PIWIL2: variants seen among roughly 807,000 people sequenced by gnomAD.
PIWIL2 encodes the protein piwi like RNA-mediated gene silencing 2.
Under a neutral mutation model 116.5 loss-of-function variants are expected in PIWIL2, and 81 were observed. The ratio of observed to expected loss-of-function variants is 0.70; its 90% CI spans 0.58 to 0.84. The LOEUF (loss-of-function observed/expected upper bound fraction) is 0.84, where lower values mean the gene tolerates loss of function less well. Among genes scored for constraint, PIWIL2 ranks in the 40% least tolerant of loss-of-function variants. The pLI, the probability that PIWIL2 is intolerant of heterozygous loss-of-function variation, is 0.00. For missense variants in PIWIL2, 1,272 were observed against 1,212.3 expected (o/e 1.05, Z -0.73); for synonymous variants, 489 against 429.5 (o/e 1.14, Z -1.71).
chr8:22,337,989 G>C (rs1832019615), intron 20 of PIWIL2, among the ~76,000 whole-genome samples: 2 of 152,062 alleles, frequency 1.3e-5, no homozygotes, highest in African/African-American at 4.8e-5. Context: ...AACTACTCGG[G>C]AGGCTGAGGA....
At chr8:22,337,436 A>G (rs1832004448) in intron 20 of PIWIL2, among the ~76,000 whole-genome samples, 1 of 152,140 alleles carries the variant, frequency 6.6e-6, no homozygotes, top group African/African-American at 2.4e-5. Context: ...TTTTTAACAA[A>G]AAAGATACTA....
chr8:22,296,154 C>T (rs1416103145), intron 10 of PIWIL2, among the ~76,000 whole-genome samples: 1 of 150,870 alleles, frequency 6.6e-6, no homozygotes, highest in Non-Finnish European at 1.5e-5. Flanking sequence ...CTCCCAGGTT[C>T]AAGCAATTCT....
At chr8:22,285,452 T>G (rs1171741458) in intron 6 of PIWIL2, among the ~76,000 whole-genome samples, 1 of 152,198 alleles carries the variant, frequency 6.6e-6, no homozygotes, top group Non-Finnish European at 1.5e-5. Context: ...GTATACCACT[T>G]TATCCATTCA....
intron 10 of PIWIL2, among the ~76,000 whole-genome samples, chr8:22,292,959 G>A (rs1207204343): frequency 6.6e-6 from 1 of 152,192 alleles, no homozygotes; most frequent in African/African-American, 2.4e-5. Flanking sequence ...TAGTGCAGGA[G>A]CCCAGTCCAA....
chr8:22,318,288 GA>G lies in PIWIL2; in HGVS notation c.2403+16del. ...AAAGTTTTATGAGGTGAGGAGAACA[GA>G]AATTCTCAGGCTTCTGGGGTTTTTT... On this transcript the variant is annotated intron_variant, in intron 20 of 22. Coordinates refer to ENST00000356766, the MANE Select transcript of PIWIL2 (RefSeq NM_018068.5). The G allele has an allele frequency of 7.3e-7, 1 of 1,365,294 alleles. No homozygotes were observed. Among genetic ancestry groups the G allele is most frequent in the Non-Finnish European group, 1.0e-6 (1 of 966,936 alleles). 84.6% of individuals were successfully genotyped at this position (1,365,294 alleles called of 1,614,324 possible). A position where few individuals can be genotyped will look rare whatever the true frequency, so the allele number is the denominator to read the frequency against.
chr8:22,335,297 C>T (rs1269867844), intron 20 of PIWIL2, among the ~76,000 whole-genome samples: 1 of 152,096 alleles, frequency 6.6e-6, no homozygotes, highest in East Asian at 1.9e-4. Context: ...GAACTCAACA[C>T]TCAAAAGATA....
At position 22,314,352 on chromosome 8, in the gene PIWIL2, A is replaced by G; in HGVS notation, c.2014A>G (p.Ile672Val). ...GGGGAAGATACAGATGGTTGTTTGC[A>G]TCATCATGGGCCCACGTGATGATCT... Reference protein sequence around the residue: ...AEGKIQMVVCIIMGPRDDLYG... With the variant: ...AEGKIQMVVCVIMGPRDDLYG... Residue 672 changes from isoleucine (I) to valine (V), a missense_variant, in exon 17 of 23, where the codon ATC (isoleucine) becomes GTC (valine). Coordinates refer to ENST00000356766, the MANE Select transcript of PIWIL2 (RefSeq NM_018068.5). 2.5e-6 allele frequency: 4 copies of G among 1,572,052 alleles called. No homozygotes were observed. The highest frequency in any genetic ancestry group is 1.7e-6 in the Non-Finnish European group (2 of 1,156,436).
At chr8:22,310,708 C>T (rs571873826) in intron 15 of PIWIL2, among the ~76,000 whole-genome samples, 1 of 152,232 alleles carries the variant, frequency 6.6e-6, no homozygotes, top group South Asian at 2.1e-4. Context: ...CTCCATTCTC[C>T]CAGTTCCTGC....
chr8:22,282,419 A>G (rs559266131), intron 4 of PIWIL2, among the ~76,000 whole-genome samples: 48 of 152,024 alleles, frequency 3.2e-4, no homozygotes, highest in African/African-American at 1.1e-3. Flanking sequence ...AACTCCTGAC[A>G]TCAGGTAATC....
intron 7 of PIWIL2, 65 bp downstream of exon 7, chr8:22,287,710 G>A (rs532554092): frequency 9.3e-7 from 1 of 1,076,446 alleles, no homozygotes. Context: ...TTTTTGTTTG[G>A]TTTTGCTTTT....
At chr8:22,341,603 A>AAG (rs1832111373) in intron 20 of PIWIL2, among the ~76,000 whole-genome samples, 1 of 151,860 alleles carries the variant, frequency 6.6e-6, no homozygotes, top group South Asian at 2.1e-4. Context: ...CTCAAAAAAA[A>AAG]AAAAAAAAAA....
At position 22,349,977 on chromosome 8, in the gene PIWIL2, T is replaced by G. The variant is rs571503707; in HGVS notation, c.2404-2982T>G. On this transcript the variant is annotated intron_variant, in intron 20 of 22. Transcript: ENST00000356766. ...TTTGGTTAGTGAAGTGGTTCTCAAC[T>G]GGGAGCAATTTTGTCCTCCCAGTGG... Among the ~76,000 whole-genome samples the G allele has an allele frequency of 9.8e-4, 150 of 152,374 alleles. 1 individual carries two copies. Among genetic ancestry groups the G allele is most frequent in the African/African-American group, 3.5e-3 (147 of 41,598 alleles).
In PIWIL2 at chr8:22,309,289, G is replaced by A. The variant is rs537755996; in HGVS notation, c.1687-672G>A. ...TGGATATTAAGTCCAATTTATGAAG[G>A]TAAAATAATTTAGGGACATTTATGT... On this transcript the variant is annotated intron_variant, in intron 14 of 22. Coordinates refer to ENST00000356766, the MANE Select transcript of PIWIL2 (RefSeq NM_018068.5). Among the ~76,000 whole-genome samples, 3 of 151,682 alleles carry A rather than the reference G, an allele frequency of 2.0e-5. No individual in the cohort carries two copies. In the South Asian group the frequency reaches 6.3e-4, roughly 32 times the overall value.
chr8:22,341,052 T>C (rs1240219600), intron 20 of PIWIL2, among the ~76,000 whole-genome samples: 1 of 152,166 alleles, frequency 6.6e-6, no homozygotes, highest in Non-Finnish European at 1.5e-5. Context: ...AGCATGGCTC[T>C]GCTGATACCT....
intron 15 of PIWIL2, among the ~76,000 whole-genome samples, chr8:22,310,599 T>C (rs902448956): frequency 6.6e-6 from 1 of 151,886 alleles, no homozygotes; most frequent in Non-Finnish European, 1.5e-5. Flanking sequence ...AGCACACTTA[T>C]AAACGTGTAA....
intron 10 of PIWIL2, among the ~76,000 whole-genome samples, chr8:22,302,489 A>T (rs1448182059): frequency 6.6e-6 from 1 of 151,702 alleles, no homozygotes; most frequent in Admixed American, 6.6e-5. Flanking sequence ...TATTTTTCTG[A>T]TTTCTTTTTT....
chr8:22,292,983 TG>T (rs2132006443), intron 10 of PIWIL2, among the ~76,000 whole-genome samples: 1 of 152,374 alleles, frequency 6.6e-6, no homozygotes, highest in Admixed American at 6.5e-5. Flanking sequence ...AATAGCCTCC[TG>T]TAAGTTTTAT....
chr8:22,318,090 A>T, intron 19 of PIWIL2, 80 bp from the exon 20 acceptor site: 1 of 806,562 alleles, frequency 1.2e-6, no homozygotes, highest in Non-Finnish European at 2.1e-6. Flanking sequence ...AACCTGTGTT[A>T]CTGACATAAG....
rs147578511 is a variant in PIWIL2 at position 22,311,132 on chromosome 8, A to C, written c.1821A>C (p.Ala607=). The C allele has an allele frequency of 1.6e-3, 2,574 of 1,611,900 alleles. 67 individuals carry two copies. In the Admixed American group the frequency reaches 0.041, roughly 25 times the overall value. The change falls in exon 16 of 23, where the codon GCA becomes GCC. Residue 607 remains alanine, a synonymous_variant. Transcript: ENST00000356766. The stretch of plus-strand genomic sequence containing the variant: ...CCTAGATCCCCATGCATTTCTGGGC[A>C]CTTTTTTACCCAAAGAGAGCAATGG... ...SILTIPMHFW[A]LFYPKRAMDQ... is the part of the protein sequence containing the mutation.
Sources: allele counts gnomAD v4.1 joint callset (sites outside exome capture counted in the v4.1 genomes callset), GRCh38; gene constraint gnomAD v4.1.1; transcripts MANE v1.5; gene names NCBI Gene and HGNC (gene_info 2026-07-23, HGNC 2026-07-21).